NAXD: variants seen among roughly 807,000 people sequenced by gnomAD.
The protein encoded by NAXD is ATP-dependent (S)-NAD(P)H-hydrate dehydratase.
A neutral mutation model predicts 35.8 loss-of-function variants in NAXD; 22 were observed. That is an observed-to-expected ratio of 0.62 (90% CI 0.44 to 0.88). The LOEUF (loss-of-function observed/expected upper bound fraction) is 0.88, where lower values mean the gene tolerates loss of function less well. NAXD is among the 40% of genes least tolerant of loss of function. The pLI, the probability that NAXD is intolerant of heterozygous loss-of-function variation, is 0.00. For missense variants in NAXD, 428 were observed against 437.7 expected, an observed-to-expected ratio of 0.98 and a Z score of 0.20; for synonymous variants, 189 against 177.6, an observed-to-expected ratio of 1.06 and a Z score of -0.51.
At chr13:110,633,365 T>C (rs1247760902) in intron 5 of NAXD, among the ~76,000 whole-genome samples, 2 of 152,180 alleles carry the variant, frequency 1.3e-5, no homozygotes, top group South Asian at 2.1e-4. Context: ...GAACTCCAGC[T>C]GGCCCGCAAG....
intron 5 of NAXD, among the ~76,000 whole-genome samples, chr13:110,632,003 T>C (rs1886710824): frequency 1.3e-5 from 2 of 152,258 alleles, no homozygotes; most frequent in South Asian, 4.1e-4. Flanking sequence ...TTAGCATGTA[T>C]TTTTATGTCC....
chr13:110,620,246 T>C lies in NAXD; in HGVS notation c.47-1970T>C, dbSNP rs1218128694. Among the ~76,000 whole-genome samples, 4 of 151,868 alleles carry C rather than the reference T, an allele frequency of 2.6e-5. No individual in the cohort carries two copies. In the East Asian group the frequency reaches 7.8e-4, roughly 29 times the overall value. ...TCCTTGGCCCACAGTTTATAGTGATTCTGTGCCGGGTCTTGTGTGTTGGTC... is the reference window on the plus strand; with the variant it reads ...TCCTTGGCCCACAGTTTATAGTGATCCTGTGCCGGGTCTTGTGTGTTGGTC... On this transcript the variant is annotated intron_variant, in intron 1 of 9. Coordinates refer to ENST00000680254, the MANE Select transcript of NAXD (RefSeq NM_001242882.2).
At chr13:110,629,443 A>G (rs1886624752) in intron 5 of NAXD, among the ~76,000 whole-genome samples, 1 of 152,176 alleles carries the variant, frequency 6.6e-6, no homozygotes, top group Non-Finnish European at 1.5e-5. Context: ...GAAGCAGCCC[A>G]TCCCCGTTAG....
intron 5 of NAXD, among the ~76,000 whole-genome samples, chr13:110,629,624 C>G (rs143534916): frequency 4.6e-5 from 7 of 152,306 alleles, no homozygotes; most frequent in African/African-American, 1.7e-4. Context: ...TTTAGAGTTA[C>G]CTGTGTTGTA....
At chr13:110,632,653 C>T (rs928828806) in intron 5 of NAXD, among the ~76,000 whole-genome samples, 3 of 152,154 alleles carry the variant, frequency 2.0e-5, no homozygotes, top group African/African-American at 7.2e-5. Context: ...TCGATAGGTG[C>T]ACTCACAAAC....
chr13:110,635,686 GT>G (rs1886899664), intron 8 of NAXD, 98 bp downstream of exon 8: 1 of 1,363,350 alleles, frequency 7.3e-7, no homozygotes, highest in Non-Finnish European at 1.0e-6. Flanking sequence ...GTGCACACCC[GT>G]GTTCACACAC....
intron 5 of NAXD, among the ~76,000 whole-genome samples, chr13:110,633,106 C>G (rs1472335097): frequency 4.6e-5 from 7 of 152,154 alleles, no homozygotes; most frequent in Non-Finnish European, 8.8e-5. Context: ...GAGGCTCGGG[C>G]CGCACAGGAG....
At chr13:110,621,301 T>C (rs1272813710) in intron 1 of NAXD, among the ~76,000 whole-genome samples, 1 of 152,236 alleles carries the variant, frequency 6.6e-6, no homozygotes, top group Non-Finnish European at 1.5e-5. Flanking sequence ...GAAGTGATAG[T>C]TTATTAAGTA....
At position 110,638,489 on chromosome 13, in the gene NAXD, C is replaced by T. The variant is rs921496694; in HGVS notation, c.951C>T (p.Ala317=). The stretch of plus-strand genomic sequence containing the variant: ...CCACCACCACCTCCGACATGATCGC[C>T]GAGGTGGGGGCCGCCTTCAGCAAGC... ...GRSTTTSDMI[A]EVGAAFSKLF... The change falls in exon 10 of 10, where the codon GCC becomes GCT. Residue 317 remains alanine (A), a synonymous_variant. Transcript: ENST00000680254. The surrounding 1 kb of genome is among the most constrained non-coding windows in gnomAD (Gnocchi z 5.4). 34 of 1,612,876 alleles carry T rather than the reference C, an allele frequency of 2.1e-5. No homozygotes were observed. Among genetic ancestry groups the T allele is most frequent in the African/African-American group, 4.0e-5 (3 of 74,914 alleles).
At chr13:110,632,765 TTC>T (rs1886756714) in intron 5 of NAXD, among the ~76,000 whole-genome samples, 3 of 150,618 alleles carry the variant, frequency 2.0e-5, no homozygotes, top group African/African-American at 7.3e-5. Context: ...GACATAAAGG[TTC>T]TCCAAGGCCC....
intron 5 of NAXD, among the ~76,000 whole-genome samples, chr13:110,631,189 C>G (rs72661647): frequency 0.12 from 17,719 of 152,224 alleles, 1,425 homozygotes; most frequent in Admixed American, 0.26. Context: ...ACACTGTGCT[C>G]TTTGCACACT....
chr13:110,626,859 C>T (rs330557), intron 4 of NAXD, among the ~76,000 whole-genome samples: 25,450 of 152,228 alleles, frequency 0.17, 2,270 homozygotes, highest in African/African-American at 0.22. Context: ...AACCCCTGCC[C>T]TGTTCTGAAT....
intron 1 of NAXD, chr13:110,616,049 G>A (rs1048877890): frequency 1.9e-5 from 7 of 371,570 alleles, no homozygotes; most frequent in Non-Finnish European, 3.3e-5. Context: ...GGGGGCCGAG[G>A]GCCGAGGACG....
rs748155794 is a variant in NAXD at position 110,638,434 on chromosome 13, A to T, written c.896A>T (p.Asn299Ile). ...FGACSLTRQCNHQAFQKHGRS... is the reference protein window; with the variant it reads ...FGACSLTRQCIHQAFQKHGRS... ...GCCTGCTCTCTCACCAGGCAGTGCA[A>T]CCACCAAGCCTTCCAGAAGCACGGT... Residue 299 changes from asparagine (N) to isoleucine (I), a missense_variant, in exon 10 of 10, where the codon AAC (asparagine) becomes ATC (isoleucine). Transcript: ENST00000680254. The surrounding 1 kb of genome is among the most constrained non-coding windows in gnomAD (Gnocchi z 5.4). The T allele has an allele frequency of 6.2e-7, 1 of 1,613,520 alleles. No individual in the cohort carries two copies. Among genetic ancestry groups the T allele is most frequent in the East Asian group, 2.2e-5 (1 of 44,872 alleles).
intron 7 of NAXD, 38 bp downstream of exon 7, chr13:110,634,814 C>T (rs759050969): frequency 2.7e-6 from 4 of 1,492,432 alleles, no homozygotes; most frequent in African/African-American, 2.8e-5. Flanking sequence ...GATGCAAGCC[C>T]TGTTCGTCCT....
At chr13:110,632,586 C>T (rs1043502232) in intron 5 of NAXD, among the ~76,000 whole-genome samples, 2 of 151,982 alleles carry the variant, frequency 1.3e-5, no homozygotes, top group African/African-American at 4.8e-5. Context: ...TAGTTAGATA[C>T]AGAGTTTCGA....
chr13:110,638,575 G>T lies in NAXD; in HGVS notation c.*47G>T, dbSNP rs773988181. On this transcript the variant is annotated 3_prime_UTR_variant, in exon 10 of 10. Transcript: ENST00000680254. This position sits in a 1 kb window ranked among gnomAD's most constrained non-coding sequence, Gnocchi z 5.4. ...ACAGGCACCTTGGACGGGGGAGAGC[G>T]TGTGTGTGATGGGAAAATCCGGACC... 2.5e-6 allele frequency: 4 copies of T among 1,604,930 alleles called. No individual in the cohort carries two copies. The Admixed American group carries it at 6.7e-5, about 27-fold the overall frequency.
In NAXD at chr13:110,637,268, T is replaced by G; in HGVS notation, c.839+19T>G. 6.2e-7 allele frequency: 1 copy of G among 1,613,714 alleles called. No individual in the cohort carries two copies. The highest frequency in any genetic ancestry group is 8.5e-7 in the Non-Finnish European group (1 of 1,179,846). ...CAAATGGGTAAGGCCACGTCTTCAT[T>G]TATTCTACTTTGAAACCGTCTGATT... On this transcript the variant is annotated intron_variant, in intron 9 of 9. Transcript: ENST00000680254.
Position 110,625,223 on chromosome 13 carries a change from G to A in NAXD, c.277G>A (p.Ala93Thr), listed in dbSNP as rs866195283. ...CTTGTCCCACGTGTTCTGTGCCAGTGCGGCCGCACCTGTGATTAAGGCCTA... is the reference window on the plus strand; with the variant it reads ...CTTGTCCCACGTGTTCTGTGCCAGTACGGCCGCACCTGTGATTAAGGCCTA... ...ADLSHVFCAS[A>T]AAPVIKAYSP... Residue 93 changes from alanine (A) to threonine (T), a missense_variant, in exon 4 of 10, where the codon GCG becomes ACG. By Grantham distance (58) the Ala-to-Thr change is moderately conservative (BLOSUM62 0). Coordinates refer to ENST00000680254, the MANE Select transcript of NAXD (RefSeq NM_001242882.2). The A allele has an allele frequency of 1.2e-6, 2 of 1,614,018 alleles. No homozygotes were observed. The highest frequency in any genetic ancestry group is 8.5e-7 in the Non-Finnish European group (1 of 1,179,952).
Sources: gnomAD v4.1 joint callset for allele counts (sites outside exome capture counted in the v4.1 genomes callset) on GRCh38, gnomAD v4.1.1 for gene constraint, Gnocchi (gnomAD v3.1) non-coding constraint, MANE v1.5 for transcripts, NCBI Gene and HGNC (gene_info 2026-07-23, HGNC 2026-07-21) for gene names.